RHOG: variants seen among roughly 807,000 people sequenced by gnomAD.
RHOG encodes ras homolog family member G, also known as rho-related GTP-binding protein RhoG.
A neutral mutation model predicts 12.3 loss-of-function variants in RHOG; 1 was observed. That is an observed-to-expected ratio of 0.08 (90% CI 0.03 to 0.39). The LOEUF (loss-of-function observed/expected upper bound fraction) is 0.39, where lower values mean the gene tolerates loss of function less well. Ranked by LOEUF, RHOG falls within the 10% of genes least tolerant of loss-of-function variation. RHOG has a pLI of 0.99. For synonymous variants in RHOG, 129 were observed against 116.0 expected (o/e 1.11, Z -0.72); for missense variants, 114 against 266.2 (o/e 0.43, Z 3.98).
chr11:3,837,324 T>A (rs922888973), intron 1 of RHOG, among the ~76,000 whole-genome samples: 2 of 152,152 alleles, frequency 1.3e-5, no homozygotes, highest in African/African-American at 4.8e-5. Flanking sequence ...TACTCCCCCA[T>A]CTTACTACCC....
chr11:3,838,828 A>C (rs1047012759), intron 1 of RHOG, among the ~76,000 whole-genome samples: 3 of 152,204 alleles, frequency 2.0e-5, no homozygotes, highest in Admixed American at 6.5e-5. Flanking sequence ...TCTAGAGTGG[A>C]AACAAGAGCC....
chr11:3,838,460 T>C (rs1375327809), intron 1 of RHOG, among the ~76,000 whole-genome samples: 1 of 151,994 alleles, frequency 6.6e-6, no homozygotes, highest in Non-Finnish European at 1.5e-5. Flanking sequence ...CTCCTGGGGT[T>C]TTTATTAAGC....
chr11:3,840,954 G>A lies in RHOG; in HGVS notation c.-129C>T, dbSNP rs1464852297. On this transcript the variant is annotated 5_prime_UTR_variant, in exon 1 of 2. Transcript: ENST00000351018. ...GCGGCAGCGGCTCCGGGCTCGAGAA[G>A]GAAGTGAGAGCGGGAGGCCGGAGGA... 3.3e-5 allele frequency: 5 copies of A among 151,868 alleles called. No homozygotes were observed. The highest frequency in any genetic ancestry group is 4.8e-5 in the African/African-American group (2 of 41,386). The allele number at this position is 151,868 out of a possible 1,614,324, so 9.4% of individuals were successfully genotyped here.
chr11:3,829,996 T>C (rs926046219), intron 1 of RHOG, among the ~76,000 whole-genome samples: 1 of 151,892 alleles, frequency 6.6e-6, no homozygotes, highest in Non-Finnish European at 1.5e-5. Flanking sequence ...CTGCCCGCCT[T>C]GGCCTTCCAA....
At chr11:3,834,779 G>C (rs566314821) in intron 1 of RHOG, among the ~76,000 whole-genome samples, 4 of 152,162 alleles carry the variant, frequency 2.6e-5, no homozygotes, top group African/African-American at 9.7e-5. Flanking sequence ...AACTGGGAGT[G>C]GGGGAGGGGA....
chr11:3,829,249 A>AT (rs869157708), intron 1 of RHOG, among the ~76,000 whole-genome samples: 7,697 of 92,568 alleles, frequency 0.083, 666 homozygotes, highest in African/African-American at 0.23. Flanking sequence ...CAATGGGGAA[A>AT]TTTTTTTTTT....
chr11:3,829,037 G>A (rs1371179903), intron 1 of RHOG, among the ~76,000 whole-genome samples: 1 of 151,890 alleles, frequency 6.6e-6, no homozygotes, highest in Non-Finnish European at 1.5e-5. Flanking sequence ...ACTGGAAAGT[G>A]TTTTGGCACA....
rs34666281 is a variant in RHOG, at chr11:3,840,536, A to ACC, written c.-69+356_-69+357dup. 6.6e-3 allele frequency: 896 copies of ACC among 135,116 alleles called. 12 individuals are homozygous for ACC. The highest frequency in any genetic ancestry group is 0.013 in the African/African-American group (476 of 36,566). 8.4% of individuals were successfully genotyped at this position (135,116 alleles called of 1,614,324 possible). A position where few individuals can be genotyped will look rare whatever the true frequency, so the allele number is the denominator to read the frequency against. ...CCTCTCCCCTCACGCACTTCTCAACACCCCCCCCACCAACTTCTGAGGACA... is the reference window on the plus strand; with the variant it reads ...CCTCTCCCCTCACGCACTTCTCAACACCCCCCCCCCACCAACTTCTGAGGACA... On this transcript the variant is annotated intron_variant, in intron 1 of 1. Coordinates refer to ENST00000351018, the MANE Select transcript of RHOG (RefSeq NM_001665.4).
chr11:3,829,789 C>T (rs937513228), intron 1 of RHOG, among the ~76,000 whole-genome samples: 2 of 152,014 alleles, frequency 1.3e-5, no homozygotes, highest in African/African-American at 4.8e-5. Context: ...CTCTGTCGCC[C>T]AGGCTGGAGT....
intron 1 of RHOG, among the ~76,000 whole-genome samples, chr11:3,832,435 C>T (rs567819328): frequency 1.7e-4 from 26 of 152,300 alleles, no homozygotes; most frequent in African/African-American, 5.3e-4. Flanking sequence ...TAAGTTACTG[C>T]CCTTCCTGGA....
chr11:3,827,605 G>A lies in RHOG; in HGVS notation c.534C>T (p.Asn178=), dbSNP rs148653233. The A allele has an allele frequency of 2.5e-5, 40 of 1,611,660 alleles. No homozygotes were observed. In the African/African-American group the frequency reaches 5.2e-4, roughly 21 times the overall value. Residue 178 remains asparagine (N), a synonymous_variant, in exon 2 of 2, where the codon AAC becomes AAT. Coordinates refer to ENST00000351018, the MANE Select transcript of RHOG (RefSeq NM_001665.4). The surrounding 1 kb of genome is among the most constrained non-coding windows in gnomAD (Gnocchi z 7.3). ...VFAEAVRAVL[N]PTPIKRGRSC... is the part of the protein sequence containing the mutation. ...ACCGCCCACGCTTGATCGGCGTGGG[G>A]TTGAGCACAGCCCGGACAGCCTCGG...
chr11:3,828,799 T>G (rs1415710353), intron 1 of RHOG, among the ~76,000 whole-genome samples: 2 of 151,766 alleles, frequency 1.3e-5, no homozygotes, highest in African/African-American at 4.8e-5. Flanking sequence ...TTTTTGTATT[T>G]TTAGTAGAGA....
At position 3,827,370 on chromosome 11, in the gene RHOG, G is replaced by C. The variant is rs576990389; in HGVS notation, c.*193C>G. On this transcript the variant is annotated 3_prime_UTR_variant, in exon 2 of 2. Coordinates refer to ENST00000351018, the MANE Select transcript of RHOG (RefSeq NM_001665.4). This position sits in a 1 kb window ranked among gnomAD's most constrained non-coding sequence, Gnocchi z 7.3. ...AATACCCAGTGTTCCCAAGCAGAGG[G>C]GGGCAGAGCCCAAAGCCCCTTTCTC... 1.9e-4 allele frequency: 114 copies of C among 596,868 alleles called. 2 individuals are homozygous for C. In the South Asian group the frequency reaches 2.2e-3, roughly 11 times the overall value. 37.0% of individuals were successfully genotyped at this position (596,868 alleles called of 1,614,324 possible).
intron 1 of RHOG, among the ~76,000 whole-genome samples, chr11:3,828,910 G>A (rs562949211): frequency 1.3e-5 from 2 of 150,748 alleles, no homozygotes; most frequent in African/African-American, 2.5e-5. Flanking sequence ...GTGAGCCACT[G>A]CGCCTGGCCA....
chr11:3,833,690 A>G (rs982994999), intron 1 of RHOG, among the ~76,000 whole-genome samples: 11 of 152,214 alleles, frequency 7.2e-5, no homozygotes, highest in Non-Finnish European at 1.5e-4. Flanking sequence ...GCACTGTTAT[A>G]AGGACTAAGT....
intron 1 of RHOG, among the ~76,000 whole-genome samples, chr11:3,830,824 C>T (rs894434073): frequency 3.3e-5 from 5 of 152,042 alleles, no homozygotes; most frequent in African/African-American, 1.2e-4. Context: ...GTCACAGGGC[C>T]TCGGGGAGAT....
At chr11:3,828,255 A>G in intron 1 of RHOG, 49 bp from the exon 2 acceptor site, 1 of 913,456 alleles carries the variant, frequency 1.1e-6, no homozygotes, top group Non-Finnish European at 1.6e-6. Context: ...GCCTCTGCCT[A>G]TTGGGAAGAA....
intron 1 of RHOG, 93 bp from the exon 2 acceptor site, chr11:3,828,299 G>A: frequency 1.5e-6 from 1 of 646,704 alleles, no homozygotes; most frequent in East Asian, 2.7e-5. Context: ...ACCGGCTCCT[G>A]TTCCCTTAAC....
chr11:3,835,380 C>A (rs1471852686), intron 1 of RHOG, among the ~76,000 whole-genome samples: 2 of 152,210 alleles, frequency 1.3e-5, no homozygotes, highest in Non-Finnish European at 2.9e-5. Flanking sequence ...TTCTGCCTTA[C>A]CTTTCCCAGC....
Sources: gnomAD v4.1 joint callset for allele counts (sites outside exome capture counted in the v4.1 genomes callset) on GRCh38, gnomAD v4.1.1 for gene constraint, Gnocchi (gnomAD v3.1) non-coding constraint, MANE v1.5 for transcripts, NCBI Gene and HGNC (gene_info 2026-07-23, HGNC 2026-07-21) for gene names.